VPS13D: variants seen among roughly 807,000 people sequenced by gnomAD.
VPS13D encodes the protein intermembrane lipid transfer protein VPS13D.
A neutral mutation model predicts 461.9 loss-of-function variants in VPS13D; 187 were observed. The ratio of observed to expected loss-of-function variants is 0.40; its 90% CI spans 0.36 to 0.46. The LOEUF is 0.46. Among genes scored for constraint, VPS13D ranks in the 20% least tolerant of loss-of-function variants. VPS13D has a pLI of 0.60. For synonymous variants in VPS13D, 1,951 were observed against 1,986.3 expected (o/e 0.98, Z 0.47); for missense variants, 4,711 against 5,364.9 (o/e 0.88, Z 3.81).
rs1263209009 is a variant in VPS13D, at chr1:12,283,710, C to G, written c.5608C>G (p.Pro1870Ala). ...HASMESGLQD[P>A]VNTKLDLKVH... ...CTCCATGGAGTCTGGACTTCAGGAT[C>G]CAGTGAACACCAAACTGGATCTCAA... The change falls in exon 21 of 70, where the codon CCA (proline) becomes GCA (alanine). Residue 1870 changes from proline to alanine, a missense_variant. Pro to Ala is a conservative substitution (Grantham distance 27). Transcript: ENST00000620676. The G allele has an allele frequency of 6.2e-7, 1 of 1,613,370 alleles. No individual in the cohort carries two copies. The highest frequency in any genetic ancestry group is 1.7e-5 in the Admixed American group (1 of 59,970).
intron 55 of VPS13D, among the ~76,000 whole-genome samples, chr1:12,376,427 GATGTAATGATAATAACAC>G (rs1236764196): frequency 6.6e-6 from 1 of 152,230 alleles, no homozygotes; most frequent in Non-Finnish European, 1.5e-5. Flanking sequence ...TCTGTAAAGA[GATGTAATGATAATAACAC>G]AACAAACATT....
In VPS13D at chr1:12,242,348, C is replaced by T. The variant is rs114797220; in HGVS notation, c.98-165C>T. 6.4e-3 allele frequency among the ~76,000 whole-genome samples: 982 copies of T among 152,296 alleles called. 8 individuals carry two copies. Among genetic ancestry groups the T allele is most frequent in the African/African-American group, 0.022 (903 of 41,562 alleles). Reference sequence around the variant, plus strand: ...GTTCTAGGTGTAAAACTTTAACCTACACATGATGTAGCCCGTTCTAGATGT... The same window carrying T: ...GTTCTAGGTGTAAAACTTTAACCTATACATGATGTAGCCCGTTCTAGATGT... On this transcript the variant is annotated intron_variant, in intron 2 of 69. Coordinates refer to ENST00000620676, the MANE Select transcript of VPS13D (RefSeq NM_015378.4).
chr1:12,446,907 G>GACATGT (rs1645199942), intron 65 of VPS13D, among the ~76,000 whole-genome samples: 1 of 152,112 alleles, frequency 6.6e-6, no homozygotes, highest in African/African-American at 2.4e-5. Flanking sequence ...CCACATAACG[G>GACATGT]ACATGTACCA....
chr1:12,232,114 T>G (rs774454851), intron 1 of VPS13D, among the ~76,000 whole-genome samples: 6 of 152,240 alleles, frequency 3.9e-5, no homozygotes, highest in Non-Finnish European at 8.8e-5. Flanking sequence ...TAGTTTTATG[T>G]AACTCTACCC....
At chr1:12,341,626 C>G (rs1643569599) in intron 40 of VPS13D, among the ~76,000 whole-genome samples, 154 bp from the exon 41 acceptor site, 2 of 152,170 alleles carry the variant, frequency 1.3e-5, no homozygotes, top group African/African-American at 2.4e-5. Context: ...CCAGCAAATA[C>G]GTGGAGCTTC....
intron 67 of VPS13D, among the ~76,000 whole-genome samples, chr1:12,484,358 A>T (rs1645767835): frequency 6.6e-6 from 1 of 152,130 alleles, no homozygotes; most frequent in Non-Finnish European, 1.5e-5. Flanking sequence ...TGTAGATCTT[A>T]TCCTCCCAAT....
chr1:12,382,760 C>T (rs1440537943), intron 57 of VPS13D, among the ~76,000 whole-genome samples: 5 of 152,154 alleles, frequency 3.3e-5, no homozygotes, highest in Non-Finnish European at 1.5e-5. Context: ...TTCATAATTA[C>T]CAAAATTTAT....
chr1:12,264,469 T>C (rs997054732), intron 13 of VPS13D, among the ~76,000 whole-genome samples: 2 of 152,250 alleles, frequency 1.3e-5, no homozygotes, highest in Non-Finnish European at 2.9e-5. Flanking sequence ...AAAGTGCTAC[T>C]TCAGCGAACA....
intron 6 of VPS13D, among the ~76,000 whole-genome samples, chr1:12,251,374 A>G (rs1260149361): frequency 5.9e-5 from 9 of 152,204 alleles, no homozygotes; most frequent in Non-Finnish European, 1.2e-4. Context: ...CTTCCTGTCC[A>G]TCCTCATATG....
intron 1 of VPS13D, among the ~76,000 whole-genome samples, chr1:12,233,091 T>C (rs1237473034): frequency 6.6e-6 from 1 of 151,856 alleles, no homozygotes; most frequent in East Asian, 1.9e-4. Flanking sequence ...CTGCAACCTC[T>C]GCCTCCCGGG....
At chr1:12,256,118 T>C (rs1640913212) in intron 7 of VPS13D, among the ~76,000 whole-genome samples, 1 of 152,124 alleles carries the variant, frequency 6.6e-6, no homozygotes, top group African/African-American at 2.4e-5. Flanking sequence ...CACTTGAGCC[T>C]TGGGGTTCAA....
chr1:12,292,832 G>T (rs1266321417), intron 23 of VPS13D, among the ~76,000 whole-genome samples: 1 of 152,044 alleles, frequency 6.6e-6, no homozygotes, highest in African/African-American at 2.4e-5. Context: ...TTTTTAGGGG[G>T]TTATATGGTA....
rs370479889 is a variant in VPS13D, at chr1:12,418,648, A to G, written c.12333+1821A>G. 2.7e-4 allele frequency among the ~76,000 whole-genome samples: 41 copies of G among 152,358 alleles called. 3 individuals are homozygous for G. Among genetic ancestry groups the G allele is most frequent in the Admixed American group, 2.1e-3 (32 of 15,306 alleles). On this transcript the variant is annotated intron_variant, in intron 65 of 69. Coordinates refer to ENST00000620676, the MANE Select transcript of VPS13D (RefSeq NM_015378.4). ...TTTACAGGTTTATTGTGAGAACAAA[A>G]TAAGGTATGACGTTACAAAAATTTT...
intron 2 of VPS13D, among the ~76,000 whole-genome samples, chr1:12,240,595 CAAAA>C (rs781165302): frequency 1.7e-3 from 72 of 43,052 alleles, no homozygotes; most frequent in South Asian, 6.5e-3. Flanking sequence ...GATTCCATCT[CAAAA>C]AAAAAAAAAA....
At chr1:12,325,769 C>A (rs1643165270) in intron 35 of VPS13D, among the ~76,000 whole-genome samples, 1 of 152,106 alleles carries the variant, frequency 6.6e-6, no homozygotes, top group South Asian at 2.1e-4. Flanking sequence ...CAATACTGAT[C>A]TTTTTACATT....
chr1:12,277,448 A>G lies in VPS13D; in HGVS notation c.3860A>G (p.Lys1287Arg), dbSNP rs376470963. ...RSKQECFLNL[K>R]MASLHYNHSA... is the part of the protein sequence containing the mutation. ...AAACAGGAGTGTTTTCTCAACCTGA[A>G]GATGGCTTCTTTACATTATAACCAC... The change falls in exon 19 of 70, where the codon AAG (lysine) becomes AGG (arginine). Residue 1287 changes from lysine (K) to arginine (R), a missense_variant. Physicochemically the swap from Lys to Arg is conservative, Grantham distance 26 (BLOSUM62 2). Coordinates refer to ENST00000620676, the MANE Select transcript of VPS13D (RefSeq NM_015378.4). 3.7e-6 allele frequency: 6 copies of G among 1,614,092 alleles called. No homozygotes were observed. Among genetic ancestry groups the G allele is most frequent in the Non-Finnish European group, 4.2e-6 (5 of 1,180,042 alleles).
In VPS13D at chr1:12,290,867, A is replaced by G. The variant is rs1419496150; in HGVS notation, c.5726-131A>G. 4 of 793,262 alleles carry G rather than the reference A, an allele frequency of 5.0e-6. No homozygotes were observed. The African/African-American group carries it at 5.4e-5, about 11-fold the overall frequency. The allele number at this position is 793,262 out of a possible 1,614,324, so 49.1% of individuals were successfully genotyped here. A position where few individuals can be genotyped will look rare whatever the true frequency, so the allele number is the denominator to read the frequency against. On this transcript the variant is annotated intron_variant, in intron 22 of 69. Coordinates refer to ENST00000620676, the MANE Select transcript of VPS13D (RefSeq NM_015378.4). ...TTTTGGGGTATATTGGAATATGAAA[A>G]TTTGCTTTTGAGGTTTGATTACAAA...
chr1:12,403,726 T>G (rs1207167430), intron 62 of VPS13D, 99 bp from the exon 63 acceptor site: 2 of 1,252,838 alleles, frequency 1.6e-6, no homozygotes, highest in Non-Finnish European at 2.2e-6. Context: ...ATGGTTTCCT[T>G]TTTTTGATGA....
chr1:12,232,126 TA>T (rs978914851), intron 1 of VPS13D, among the ~76,000 whole-genome samples: 1 of 151,966 alleles, frequency 6.6e-6, no homozygotes, highest in African/African-American at 2.4e-5. Flanking sequence ...ACTCTACCCT[TA>T]AAAAATATCT....
Sources: allele counts gnomAD v4.1 joint callset (sites outside exome capture counted in the v4.1 genomes callset), GRCh38; gene constraint gnomAD v4.1.1; transcripts MANE v1.5; gene names NCBI Gene and HGNC (gene_info 2026-07-23, HGNC 2026-07-21).